Variants in ELF1 observed in about 807,000 individuals in gnomAD.
ELF1 encodes the protein ETS-related transcription factor Elf-1.
A neutral mutation model predicts 59.9 loss-of-function variants in ELF1; 24 were observed. The observed-to-expected ratio is 0.40, with a 90% CI of 0.29 to 0.56. The LOEUF (loss-of-function observed/expected upper bound fraction) is 0.56. Ranked by LOEUF, ELF1 falls within the 20% of genes least tolerant of loss-of-function variation. The pLI, the probability that ELF1 is intolerant of heterozygous loss-of-function variation, is 0.44. For synonymous variants in ELF1, 248 were observed against 266.2 expected, an observed-to-expected ratio of 0.93 and a Z score of 0.67; for missense variants, 627 against 742.2, an observed-to-expected ratio of 0.84 and a Z score of 1.80.
chr13:40,949,263 G>T (rs1870695698), intron 5 of ELF1, among the ~76,000 whole-genome samples: 1 of 151,724 alleles, frequency 6.6e-6, no homozygotes, highest in Non-Finnish European at 1.5e-5. Flanking sequence ...TGGGATTAAA[G>T]GCATGAGCCA....
chr13:41,024,468 C>A (rs756966130), intron 1 of ELF1, among the ~76,000 whole-genome samples: 1 of 152,162 alleles, frequency 6.6e-6, no homozygotes, highest in Non-Finnish European at 1.5e-5. Context: ...GGACTACAGG[C>A]ATGCACCACA....
chr13:40,971,805 T>C (rs1244528745), intron 2 of ELF1, among the ~76,000 whole-genome samples: 1 of 152,160 alleles, frequency 6.6e-6, no homozygotes, highest in African/African-American at 2.4e-5. Context: ...TGGCCATACA[T>C]CTCAAAAAGT....
intron 2 of ELF1, among the ~76,000 whole-genome samples, chr13:40,977,520 C>T (rs1872986649): frequency 6.6e-6 from 1 of 152,122 alleles, no homozygotes; most frequent in Non-Finnish European, 1.5e-5. Flanking sequence ...GATCAAAATG[C>T]TGGCAACCCT....
At chr13:41,051,183 T>C (rs998845755) in intron 1 of ELF1, among the ~76,000 whole-genome samples, 9 of 151,990 alleles carry the variant, frequency 5.9e-5, no homozygotes, top group African/African-American at 2.2e-4. Context: ...GGGACAGTAA[T>C]ATTGTAGTTC....
chr13:40,980,364 A>G (rs1407396895), intron 2 of ELF1, among the ~76,000 whole-genome samples: 1 of 152,216 alleles, frequency 6.6e-6, no homozygotes, highest in Non-Finnish European at 1.5e-5. Flanking sequence ...TCATTTTGTT[A>G]GACAAAAACA....
chr13:40,933,487 T>A lies in ELF1; in HGVS notation c.1798A>T (p.Asn600Tyr), dbSNP rs1217171142. The A allele has an allele frequency of 6.2e-7, 1 of 1,614,244 alleles. No individual in the cohort carries two copies. The change falls in exon 9 of 9, where the codon AAT (asparagine) becomes TAT (tyrosine). Residue 600 changes from asparagine (N) to tyrosine (Y), a missense_variant. Asn to Tyr is a moderately radical substitution (Grantham distance 143, BLOSUM62 -2). This residue lies in a region of ELF1 where 361 missense variants were observed against 396.1 expected (regional missense o/e 0.91). Transcript: ENST00000239882. ...QPYVMVVSSS[N>Y]GFTSQVAMKQ... ...ATAGCTACCTGAGAAGTAAATCCAT[T>A]GGAACTGGACACTACCATCACATAA...
intron 1 of ELF1, among the ~76,000 whole-genome samples, chr13:41,000,358 G>C (rs959574749): frequency 7.0e-6 from 1 of 142,492 alleles, no homozygotes; most frequent in Non-Finnish European, 1.5e-5. Context: ...GGAGTAGCTG[G>C]AACTACAGGC....
chr13:41,015,332 C>T (rs1274720381), intron 1 of ELF1, among the ~76,000 whole-genome samples: 2 of 149,894 alleles, frequency 1.3e-5, no homozygotes, highest in Non-Finnish European at 3.0e-5. Flanking sequence ...ACATATAGCA[C>T]AGCAAAAAAA....
At chr13:40,934,664 C>A (rs1392924233) in intron 8 of ELF1, among the ~76,000 whole-genome samples, 2 of 152,082 alleles carry the variant, frequency 1.3e-5, no homozygotes, top group Admixed American at 6.6e-5. Context: ...AGGTGATCCA[C>A]CCGCCTCGGC....
intron 7 of ELF1, 51 bp from the exon 8 acceptor site, chr13:40,941,421 T>C: frequency 6.8e-7 from 1 of 1,465,016 alleles, no homozygotes; most frequent in Non-Finnish European, 9.2e-7. Flanking sequence ...ATTAAAATAT[T>C]CAACAAAATC....
intron 1 of ELF1, among the ~76,000 whole-genome samples, chr13:40,984,819 G>C (rs2138281367): frequency 6.6e-6 from 1 of 152,284 alleles, no homozygotes; most frequent in South Asian, 2.1e-4. Flanking sequence ...TGGCCAGTGT[G>C]AATACGTCTA....
intron 1 of ELF1, among the ~76,000 whole-genome samples, chr13:41,059,427 G>A (rs1877411665): frequency 6.6e-6 from 1 of 152,182 alleles, no homozygotes; most frequent in African/African-American, 2.4e-5. Flanking sequence ...AAAATACTTA[G>A]GCTTTTTCTT....
chr13:41,015,362 T>A (rs77030182), intron 1 of ELF1, among the ~76,000 whole-genome samples: 1,716 of 151,782 alleles, frequency 0.011, 40 homozygotes, highest in African/African-American at 0.039. Flanking sequence ...GAGAAAGGGA[T>A]AACTGGGATG....
intron 2 of ELF1, among the ~76,000 whole-genome samples, chr13:40,977,370 C>G (rs1320012369): frequency 6.6e-6 from 1 of 152,088 alleles, no homozygotes; most frequent in Non-Finnish European, 1.5e-5. Flanking sequence ...CAGTTTAGAA[C>G]AGACAGCAAC....
intron 1 of ELF1, among the ~76,000 whole-genome samples, chr13:41,046,062 C>G (rs867770513): frequency 1.3e-5 from 2 of 152,134 alleles, no homozygotes; most frequent in Non-Finnish European, 2.9e-5. Flanking sequence ...CTCTTTTGAT[C>G]TTTGCTGGTT....
chr13:40,983,805 T>G (rs1040492668), intron 1 of ELF1, among the ~76,000 whole-genome samples: 7 of 152,206 alleles, frequency 4.6e-5, no homozygotes, highest in African/African-American at 1.7e-4. Context: ...TCCTCTGTAG[T>G]AGACCTGCCT....
At chr13:40,943,405 G>C (rs553380935) in intron 6 of ELF1, among the ~76,000 whole-genome samples, 2 of 152,266 alleles carry the variant, frequency 1.3e-5, no homozygotes, top group South Asian at 2.1e-4. Context: ...TGATTTAGGA[G>C]AAAGTACTTT....
At position 40,933,852 on chromosome 13, in the gene ELF1, G is replaced by C; in HGVS notation, c.1433C>G (p.Thr478Arg). ...LQAIPSSQPM[T>R]VLKENVMLQS... ...CAGCATGACATTTTCTTTCAGTACTGTCATGGGCTGTGATGATGGAATGGC... is the reference window on the plus strand; with the variant it reads ...CAGCATGACATTTTCTTTCAGTACTCTCATGGGCTGTGATGATGGAATGGC... The change falls in exon 9 of 9, where the codon ACA becomes AGA. Residue 478 changes from threonine to arginine, a missense_variant. By Grantham distance (71) the Thr-to-Arg change is moderately conservative (BLOSUM62 -1). This residue lies in a region of ELF1 where 361 missense variants were observed against 396.1 expected (regional missense o/e 0.91). Transcript: ENST00000239882. 6.2e-7 allele frequency: 1 copy of C among 1,614,240 alleles called. No homozygotes were observed. The highest frequency in any genetic ancestry group is 8.5e-7 in the Non-Finnish European group (1 of 1,180,052).
intron 2 of ELF1, among the ~76,000 whole-genome samples, chr13:40,974,481 CT>C (rs1204603688): frequency 6.6e-6 from 1 of 152,148 alleles, no homozygotes; most frequent in Non-Finnish European, 1.5e-5. Flanking sequence ...TCACTTGACT[CT>C]TTTGTAGTGA....
Sources: allele counts gnomAD v4.1 joint callset (sites outside exome capture counted in the v4.1 genomes callset), GRCh38; gene constraint gnomAD v4.1.1; regional missense constraint gnomAD v4.1.1; transcripts MANE v1.5; gene names NCBI Gene and HGNC (gene_info 2026-07-23, HGNC 2026-07-21).